CACNA1G: variants seen among roughly 807,000 people sequenced by gnomAD.
CACNA1G encodes calcium voltage-gated channel subunit alpha1 G.
In CACNA1G, 67 loss-of-function variants were observed where a neutral mutation model predicts 219.4. The observed-to-expected ratio is 0.31, with a 90% CI of 0.25 to 0.37. CACNA1G has a LOEUF of 0.37. Among genes scored for constraint, CACNA1G ranks in the 10% least tolerant of loss-of-function variants. The pLI, the probability that CACNA1G is intolerant of heterozygous loss-of-function variation, is 1.00. For synonymous variants in CACNA1G, 1,296 were observed against 1,345.3 expected, an observed-to-expected ratio of 0.96 and a Z score of 0.80; for missense variants, 2,380 against 3,231.4, an observed-to-expected ratio of 0.74 and a Z score of 6.39.
In CACNA1G at chr17:50,615,462, A is replaced by AT; in HGVS notation, c.4862dup (p.Gly1622ArgfsTer20). The AT allele has an allele frequency of 6.2e-7, 1 of 1,613,848 alleles. No individual in the cohort carries two copies. Among genetic ancestry groups the AT allele is most frequent in the Non-Finnish European group, 8.5e-7 (1 of 1,179,754 alleles). On this transcript the variant is annotated frameshift_variant, in exon 27 of 38. Coordinates refer to ENST00000359106, the MANE Select transcript of CACNA1G (RefSeq NM_018896.5). LOFTEE classifies it high-confidence loss of function. ...CCTGGACCTCTTCATCACAGGTGTC[A>AT]TCGGGCTGAACGTGGTCACCATGGC...
chr17:50,584,899 A>ACCAC (rs1390342489), intron 9 of CACNA1G, among the ~76,000 whole-genome samples: 2 of 152,098 alleles, frequency 1.3e-5, no homozygotes, highest in Non-Finnish European at 2.9e-5. Context: ...CCATGGGGCC[A>ACCAC]CCACCCACAG....
chr17:50,603,319 T>TGGGGGTCACAGACAG lies in CACNA1G; in HGVS notation c.4169+121_4169+122insGGGGTCACAGACAGG. 1.2e-6 allele frequency: 1 copy of TGGGGGTCACAGACAG among 852,000 alleles called. No individual in the cohort carries two copies. The highest frequency in any genetic ancestry group is 1.8e-6 in the Non-Finnish European group (1 of 552,944). The allele number at this position is 852,000 out of a possible 1,614,324, so 52.8% of individuals were successfully genotyped here. On this transcript the variant is annotated intron_variant, in intron 21 of 37. Coordinates refer to ENST00000359106, the MANE Select transcript of CACNA1G (RefSeq NM_018896.5). The surrounding 1 kb of genome is among the most constrained non-coding windows in gnomAD (Gnocchi z 6.4). ...CCTGCACAGGCCAGCATCCTGTCTG[T>TGGGGGTCACAGACAG]GACCCCCACAGGCGATCCTGTCCCC...
chr17:50,598,589 T>A (rs576692709), intron 16 of CACNA1G, among the ~76,000 whole-genome samples: 1 of 152,350 alleles, frequency 6.6e-6, no homozygotes, highest in East Asian at 1.9e-4. Flanking sequence ...AAGGGTTCCC[T>A]TTTCTTCAGA....
rs1410865663 is a variant in CACNA1G, at chr17:50,619,680, C to T, written c.5782-3C>T. 1 of 1,608,432 alleles carries T rather than the reference C, an allele frequency of 6.2e-7. No individual in the cohort carries two copies. The highest frequency in any genetic ancestry group is 1.7e-5 in the Admixed American group (1 of 59,774). On this transcript the variant is annotated splice_polypyrimidine_tract_variant and splice_region_variant and intron_variant, in intron 33 of 37. Coordinates refer to ENST00000359106, the MANE Select transcript of CACNA1G (RefSeq NM_018896.5). ...CGGCTCCCCTTACGGGCTGGCTCCC[C>T]AGGACAGGCAGCTGTTTGACACCAT... is the stretch of plus-strand genomic sequence containing the variant.
rs4794171 is a variant in CACNA1G, at chr17:50,616,399, G to C, written c.5021+15G>C. 588,581 of 1,498,202 alleles carry C rather than the reference G, an allele frequency of 0.39. 121,419 individuals carry two copies. Among genetic ancestry groups the C allele is most frequent in the Non-Finnish European group, 0.43 (467,205 of 1,076,604 alleles). The allele number at this position is 1,498,202 out of a possible 1,614,324, so 92.8% of individuals were successfully genotyped here. ...TTCCAGGACAGGTAACGGAGAAAAGGGGGGTCTTGGGGACTTGCGTAGAGA... is the reference window on the plus strand; with the variant it reads ...TTCCAGGACAGGTAACGGAGAAAAGCGGGGTCTTGGGGACTTGCGTAGAGA... On this transcript the variant is annotated intron_variant, in intron 28 of 37. Coordinates refer to ENST00000359106, the MANE Select transcript of CACNA1G (RefSeq NM_018896.5).
Position 50,575,945 on chromosome 17 carries a change from C to T in CACNA1G, c.1543C>T (p.Pro515Ser), listed in dbSNP as rs1434973789. The stretch of plus-strand genomic sequence containing the variant: ...CCTGGGCAATGGGACGCTCAGGGCC[C>T]CCCGGGCCAGCCCGGAGATCCAGGA... ...YHLGNGTLRA[P>S]RASPEIQDRD... Residue 515 changes from proline (P) to serine (S), a missense_variant, in exon 8 of 38, where the codon CCC becomes TCC. Coordinates refer to ENST00000359106, the MANE Select transcript of CACNA1G (RefSeq NM_018896.5). 2.4e-5 allele frequency: 38 copies of T among 1,553,364 alleles called. No homozygotes were observed. The highest frequency in any genetic ancestry group is 3.0e-5 in the Non-Finnish European group (35 of 1,148,946).
chr17:50,606,485 A>G (rs575536706), intron 23 of CACNA1G: 1 of 580,610 alleles, frequency 1.7e-6, no homozygotes, highest in Non-Finnish European at 3.1e-6. Context: ...GGATGCAATG[A>G]GATGATGTGT....
chr17:50,585,650 AG>A (rs917590772), intron 9 of CACNA1G, among the ~76,000 whole-genome samples: 8 of 151,850 alleles, frequency 5.3e-5, no homozygotes, highest in African/African-American at 1.9e-4. Flanking sequence ...AGGGCACAGG[AG>A]GGGGGATCCA....
rs1215634249 is a variant in CACNA1G at position 50,575,838 on chromosome 17, G to A, written c.1436G>A (p.Ser479Asn). The A allele has an allele frequency of 1.3e-6, 2 of 1,549,924 alleles. No individual in the cohort carries two copies. Among genetic ancestry groups the A allele is most frequent in the South Asian group, 1.2e-5 (1 of 84,116 alleles). The change falls in exon 8 of 38, where the codon AGC (serine) becomes AAC (asparagine). Residue 479 changes from serine to asparagine, a missense_variant. Ser to Asn is a conservative substitution (Grantham distance 46). Around this residue, in one of 17 missense-constraint regions of CACNA1G, gnomAD observed 434 missense variants for 417.3 expected, o/e 1.04. Coordinates refer to ENST00000359106, the MANE Select transcript of CACNA1G (RefSeq NM_018896.5). ...APLGGQETQPSSSCSRSHRRL... is the reference protein window; with the variant it reads ...APLGGQETQPNSSCSRSHRRL... ...CTCGGGGGCCAGGAGACCCAGCCCA[G>A]CAGCAGCTGCTCTCGCTCCCACCGC... is the stretch of plus-strand genomic sequence containing the variant.
rs1288070749 is a variant in CACNA1G, at chr17:50,597,001, G to A, written c.3258+78G>A. The A allele has an allele frequency of 7.6e-6, 10 of 1,324,322 alleles. No individual in the cohort carries two copies. The South Asian group carries it at 9.0e-5, about 12-fold the overall frequency. 82.0% of individuals were successfully genotyped at this position (1,324,322 alleles called of 1,614,324 possible). ...GGAGGAAGAGAGGATGGAGGCAGGCGGGTCCAAGGGCACAGCCCCTGCCCC... is the reference window on the plus strand; with the variant it reads ...GGAGGAAGAGAGGATGGAGGCAGGCAGGTCCAAGGGCACAGCCCCTGCCCC... On this transcript the variant is annotated intron_variant, in intron 16 of 37. Transcript: ENST00000359106.
chr17:50,608,661 C>T (rs2048483100), intron 25 of CACNA1G, among the ~76,000 whole-genome samples: 1 of 152,204 alleles, frequency 6.6e-6, no homozygotes, highest in South Asian at 2.1e-4. Context: ...CTCACCTCCT[C>T]ACCTGTGCTC....
At position 50,603,391 on chromosome 17, in the gene CACNA1G, T is replaced by G. The variant is rs920807248; in HGVS notation, c.4169+192T>G. ...ACGGCCGCAGTAATTTCCCTCCAGG[T>G]GCACACCTGCTTTCCTCCTCTTCAA... On this transcript the variant is annotated intron_variant, in intron 21 of 37. Coordinates refer to ENST00000359106, the MANE Select transcript of CACNA1G (RefSeq NM_018896.5). The surrounding 1 kb of genome is among the most constrained non-coding windows in gnomAD (Gnocchi z 6.4). Among the ~76,000 whole-genome samples the G allele has an allele frequency of 1.3e-5, 2 of 152,184 alleles. No homozygotes were observed. The highest frequency in any genetic ancestry group is 2.9e-5 in the Non-Finnish European group (2 of 68,012).
intron 9 of CACNA1G, among the ~76,000 whole-genome samples, chr17:50,579,924 C>G (rs369236023): frequency 6.6e-6 from 1 of 152,138 alleles, no homozygotes; most frequent in Admixed American, 6.5e-5. Context: ...GAGGTGTTCA[C>G]TTTTCCGGGG....
chr17:50,597,799 A>G (rs1028899878), intron 16 of CACNA1G, among the ~76,000 whole-genome samples: 7 of 152,034 alleles, frequency 4.6e-5, no homozygotes, highest in African/African-American at 1.4e-4. Flanking sequence ...TCCCATCCTT[A>G]CCTCTCCCAA....
intron 9 of CACNA1G, among the ~76,000 whole-genome samples, chr17:50,588,608 C>T (rs2043498039): frequency 6.6e-6 from 1 of 152,174 alleles, no homozygotes; most frequent in South Asian, 2.1e-4. Flanking sequence ...CCTGTGTGAC[C>T]GGGCTAACCA....
intron 9 of CACNA1G, among the ~76,000 whole-genome samples, chr17:50,579,992 A>G (rs2041586051): frequency 1.3e-5 from 2 of 152,106 alleles, no homozygotes; most frequent in Admixed American, 1.3e-4. Context: ...TCGAGCACCC[A>G]GCTTTTACCC....
chr17:50,624,324 T>TGCCCCCCCCCCCCCCCCCCCGGCCCC, intron 36 of CACNA1G, 36 bp from the exon 37 acceptor site: 1 of 1,177,660 alleles, frequency 8.5e-7, no homozygotes, highest in Non-Finnish European at 1.2e-6. Flanking sequence ...CTCCATTCTC[T>TGCCCCCCCCCCCCCCCCCCCGGCCCC]CCCCCCACCC....
chr17:50,617,361 T>C lies in CACNA1G; in HGVS notation c.5022-77T>C, dbSNP rs527698967. ...ATGTCTGCCCTCCTTTCAAGCCCTG[T>C]CTTTCTGTGCCACGACTGCCCCCTC... is the stretch of plus-strand genomic sequence containing the variant. On this transcript the variant is annotated intron_variant, in intron 28 of 37. Transcript: ENST00000359106. This position sits in a 1 kb window ranked among gnomAD's most constrained non-coding sequence, Gnocchi z 5.8. 6.0e-6 allele frequency: 9 copies of C among 1,498,278 alleles called. No individual in the cohort carries two copies. The African/African-American group carries it at 1.2e-4, about 21-fold the overall frequency. 92.8% of individuals were successfully genotyped at this position (1,498,278 alleles called of 1,614,324 possible).
chr17:50,609,161 C>G (rs1487658424), intron 25 of CACNA1G, among the ~76,000 whole-genome samples: 3 of 152,158 alleles, frequency 2.0e-5, no homozygotes, highest in Non-Finnish European at 4.4e-5. Flanking sequence ...CCCCTCTGCC[C>G]TCAGCTCTAT....
Sources: gnomAD v4.1 joint callset for allele counts (sites outside exome capture counted in the v4.1 genomes callset) on GRCh38, gnomAD v4.1.1 for gene constraint, gnomAD v4.1.1 regional missense constraint, Gnocchi (gnomAD v3.1) non-coding constraint, MANE v1.5 for transcripts, NCBI Gene and HGNC (gene_info 2026-07-23, HGNC 2026-07-21) for gene names.